The following NLGN1 variants were observed in gnomAD, a reference collection of about 807,000 sequenced individuals.
The protein encoded by NLGN1 is neuroligin 1.
NLGN1 carries 12 observed loss-of-function variants against 65.5 expected under a neutral mutation model. That is an observed-to-expected ratio of 0.18 (90% CI 0.12 to 0.30). The LOEUF is 0.30. Ranked by LOEUF, NLGN1 falls within the 10% of genes least tolerant of loss-of-function variation. The pLI is 1.00. For missense variants in NLGN1, 750 were observed against 1,007.1 expected (o/e 0.74, Z 3.46); for synonymous variants, 350 against 359.5 (o/e 0.97, Z 0.30).
intron 2 of NLGN1, among the ~76,000 whole-genome samples, chr3:173,494,730 C>G (rs1729727342): frequency 6.6e-6 from 1 of 151,738 alleles, no homozygotes; most frequent in Admixed American, 6.6e-5. Context: ...GCTGAGAGTT[C>G]ACTAATTTCC....
rs138334176 is a variant in NLGN1 at position 173,804,784 on chromosome 3, T to C, written c.494-2896T>C. On this transcript the variant is annotated intron_variant, in intron 3 of 6. Transcript: ENST00000457714. ...GCTCACACCTGTAATCCCAGCACTT[T>C]GGGAGGCCGAGGAGGGCAGATCACC... is the stretch of plus-strand genomic sequence containing the variant. Among the ~76,000 whole-genome samples, 461 of 152,164 alleles carry C rather than the reference T, an allele frequency of 3.0e-3. 2 individuals are homozygous for C. The highest frequency in any genetic ancestry group is 0.011 in the African/African-American group (438 of 41,524).
At chr3:174,089,686 C>T (rs755102991) in intron 4 of NLGN1, among the ~76,000 whole-genome samples, 18 of 152,174 alleles carry the variant, frequency 1.2e-4, no homozygotes, top group Middle Eastern at 3.4e-3. Flanking sequence ...GACTTCTATT[C>T]TTATTATGAA....
intron 3 of NLGN1, among the ~76,000 whole-genome samples, chr3:173,684,662 A>G (rs1329372721): frequency 6.6e-6 from 1 of 152,220 alleles, no homozygotes; most frequent in Non-Finnish European, 1.5e-5. Flanking sequence ...TGGAAATGTC[A>G]GTCACTGAAT....
intron 2 of NLGN1, among the ~76,000 whole-genome samples, chr3:173,554,055 G>A (rs1184686637): frequency 1.3e-5 from 2 of 152,130 alleles, no homozygotes; most frequent in African/African-American, 4.8e-5. Context: ...TGTAATAGCA[G>A]TTGATTCAAT....
intron 2 of NLGN1, among the ~76,000 whole-genome samples, chr3:173,509,557 G>A (rs1732588226): frequency 1.3e-5 from 2 of 152,140 alleles, no homozygotes; most frequent in South Asian, 4.1e-4. Flanking sequence ...AAGCTCCAAT[G>A]AGCCATACTG....
intron 4 of NLGN1, among the ~76,000 whole-genome samples, chr3:173,960,636 T>C (rs998234571): frequency 3.3e-5 from 5 of 151,992 alleles, no homozygotes; most frequent in Non-Finnish European, 7.4e-5. Context: ...AAAACAGATA[T>C]AGGATAATCA....
At chr3:173,774,636 T>G (rs1427775324) in intron 3 of NLGN1, among the ~76,000 whole-genome samples, 3 of 152,166 alleles carry the variant, frequency 2.0e-5, no homozygotes, top group Non-Finnish European at 2.9e-5. Flanking sequence ...TGAATCTACC[T>G]TTTGTGTTAA....
In NLGN1 at chr3:173,588,557, A is replaced by C. The variant is rs142750167; in HGVS notation, c.-320-15722A>C. Among the ~76,000 whole-genome samples the C allele has an allele frequency of 1.3e-3, 193 of 152,312 alleles. 1 individual carries two copies. The highest frequency in any genetic ancestry group is 6.8e-3 in the Middle Eastern group (2 of 294). On this transcript the variant is annotated intron_variant, in intron 2 of 6. Coordinates refer to ENST00000457714, the Ensembl canonical transcript of NLGN1. ...GGGAAAACTAGTGAATCATTCCAGG[A>C]GTTTGAAATTATTAGACATTAAACT...
chr3:173,977,177 C>A (rs992520130), intron 4 of NLGN1, among the ~76,000 whole-genome samples: 37 of 151,904 alleles, frequency 2.4e-4, no homozygotes, highest in Admixed American at 2.2e-3. Flanking sequence ...GAAAGATATT[C>A]ATCCTATGTG....
intron 4 of NLGN1, among the ~76,000 whole-genome samples, chr3:174,117,651 C>G (rs1716821061): frequency 1.3e-5 from 2 of 151,872 alleles, no homozygotes; most frequent in South Asian, 2.1e-4. Flanking sequence ...AATGAACCAG[C>G]CTGCTTATGG....
chr3:173,836,950 C>T (rs527318975), intron 4 of NLGN1, among the ~76,000 whole-genome samples: 84 of 152,194 alleles, frequency 5.5e-4, no homozygotes, highest in South Asian at 1.0e-3. Flanking sequence ...GATCTAAAGG[C>T]TTGATATTGA....
intron 2 of NLGN1, among the ~76,000 whole-genome samples, chr3:173,578,108 C>T (rs1327251254): frequency 6.6e-6 from 1 of 151,924 alleles, no homozygotes; most frequent in East Asian, 1.9e-4. Context: ...TGGTGGCAGG[C>T]ACCTGTAGTC....
intron 4 of NLGN1, among the ~76,000 whole-genome samples, chr3:173,953,558 C>T (rs146991771): frequency 0.018 from 2,665 of 151,740 alleles, 80 homozygotes; most frequent in African/African-American, 0.06. Context: ...TATTTATTTA[C>T]TTATTTATTT....
chr3:173,843,589 A>G (rs1298274988), intron 4 of NLGN1, among the ~76,000 whole-genome samples: 1 of 152,222 alleles, frequency 6.6e-6, no homozygotes, highest in Non-Finnish European at 1.5e-5. Context: ...TCTGTAGGAC[A>G]GGGGCAAAAT....
rs1336441065 is a variant in NLGN1, at chr3:173,983,415, C to A, written c.646+175583C>A. The stretch of plus-strand genomic sequence containing the variant: ...AGGAAATGCTTCTGGTCGAGTCCAG[C>A]AGACACCCAAAGGATTAGTGCAGAA... On this transcript the variant is annotated intron_variant, in intron 4 of 6. Coordinates refer to ENST00000457714, the Ensembl canonical transcript of NLGN1. Among the ~76,000 whole-genome samples, 5 of 152,316 alleles carry A rather than the reference C, an allele frequency of 3.3e-5. No homozygotes were observed. The East Asian group carries it at 9.6e-4, about 29-fold the overall frequency.
intron 4 of NLGN1, among the ~76,000 whole-genome samples, chr3:174,175,916 G>A (rs895267916): frequency 6.6e-6 from 1 of 151,740 alleles, no homozygotes; most frequent in African/African-American, 2.4e-5. Context: ...ATATCTTCAG[G>A]ATATTTCTCT....
intron 4 of NLGN1, among the ~76,000 whole-genome samples, chr3:174,207,798 T>A (rs1735703467): frequency 6.6e-6 from 1 of 152,212 alleles, no homozygotes; most frequent in Admixed American, 6.5e-5. Context: ...CCTCATGGTG[T>A]CAAGCACAGA....
intron 4 of NLGN1, among the ~76,000 whole-genome samples, chr3:173,962,145 A>G (rs1461273629): frequency 1.3e-5 from 2 of 152,248 alleles, no homozygotes; most frequent in East Asian, 3.9e-4. Context: ...CAACAAAGTG[A>G]AATTTGAAAT....
chr3:174,194,670 G>A (rs1165653249), intron 4 of NLGN1, among the ~76,000 whole-genome samples: 1 of 149,948 alleles, frequency 6.7e-6, no homozygotes, highest in African/African-American at 2.4e-5. Context: ...TGTTTAAGAA[G>A]TAAATAAACA....
Sources: gnomAD v4.1 joint callset for allele counts (sites outside exome capture counted in the v4.1 genomes callset) on GRCh38, gnomAD v4.1.1 for gene constraint, MANE v1.5 for transcripts, NCBI Gene and HGNC (gene_info 2026-07-23, HGNC 2026-07-21) for gene names.